Variants in TNNT3 observed in about 807,000 individuals in gnomAD.
The protein encoded by TNNT3 is troponin T3, fast skeletal type, also known as troponin T, fast skeletal muscle.
A neutral mutation model predicts 54.2 loss-of-function variants in TNNT3; 36 were observed. The observed-to-expected ratio is 0.66, with a 90% CI of 0.51 to 0.88. The LOEUF is 0.88. TNNT3 is among the 40% of genes least tolerant of loss of function. The pLI, the probability that TNNT3 is intolerant of heterozygous loss-of-function variation, is 0.00. For synonymous variants in TNNT3, 120 were observed against 109.7 expected, an observed-to-expected ratio of 1.09 and a Z score of -0.59; for missense variants, 291 against 331.6, an observed-to-expected ratio of 0.88 and a Z score of 0.95.
chr11:1,925,303 C>T (rs770359312), intron 5 of TNNT3, 187 bp downstream of exon 5: 31 of 1,583,104 alleles, frequency 2.0e-5, no homozygotes, highest in South Asian at 2.0e-4. Context: ...CTTCTTGTCC[C>T]CATGTGGGGC....
chr11:1,929,741 A>ACCCAGGCTGTCTCTCTCCCTCTC, intron 7 of TNNT3, 69 bp from the exon 8 acceptor site: 1 of 1,534,670 alleles, frequency 6.5e-7, no homozygotes, highest in Non-Finnish European at 8.8e-7. Context: ...GCCCAGTCTC[A>ACCCAGGCTGTCTCTCTCCCTCTC]CCCAGGCTGT....
intron 8 of TNNT3, among the ~76,000 whole-genome samples, chr11:1,931,952 C>T (rs558765624): frequency 1.3e-5 from 2 of 152,312 alleles, no homozygotes; most frequent in East Asian, 3.9e-4. Flanking sequence ...ACTGCACACC[C>T]AGCCGGAGAG....
In TNNT3 at chr11:1,922,639, C is replaced by T. The variant is rs113055495; in HGVS notation, c.-18-218C>T. 7.9e-3 allele frequency: 4,793 copies of T among 606,058 alleles called. 187 individuals carry two copies. Among genetic ancestry groups the T allele is most frequent in the African/African-American group, 0.078 (4,235 of 54,166 alleles). The allele number at this position is 606,058 out of a possible 1,614,324, so 37.5% of individuals were successfully genotyped here. A position where few individuals can be genotyped will look rare whatever the true frequency, so the allele number is the denominator to read the frequency against. ...CTGGAGCCAGGGCAGGAAGAGGGGA[C>T]AGAGTCTGGGGCGCCAAGAGCTGGG... is the stretch of plus-strand genomic sequence containing the variant. On this transcript the variant is annotated intron_variant, in intron 1 of 15. Coordinates refer to ENST00000278317, the MANE Select transcript of TNNT3 (RefSeq NM_006757.4).
rs1854177202 is a variant in TNNT3 at position 1,933,913 on chromosome 11, C to T, written c.289-18C>T. The T allele has an allele frequency of 1.2e-6, 2 of 1,612,756 alleles. No homozygotes were observed. Among genetic ancestry groups the T allele is most frequent in the African/African-American group, 1.3e-5 (1 of 75,052 alleles). On this transcript the variant is annotated intron_variant, in intron 10 of 15. Coordinates refer to ENST00000278317, the MANE Select transcript of TNNT3 (RefSeq NM_006757.4). ...GAGCCGGGGACAGGGCTGAGCAGAC[C>T]CCCTTCTCTGGCTGCAGGAGAAGCG...
chr11:1,934,901 G>A lies in TNNT3; in HGVS notation c.663G>A (p.Leu221=), dbSNP rs1327425592. The change falls in exon 14 of 16, where the codon CTG becomes CTA. Residue 221 remains leucine (L), a synonymous_variant. Coordinates refer to ENST00000278317, the MANE Select transcript of TNNT3 (RefSeq NM_006757.4). ...ACAAGTTCGAGTTTGGGGAGAAGCT[G>A]AAACGCCAGAAATATGACGTGAGTC... ...EIDKFEFGEK[L]KRQKYDITTL... is the part of the protein sequence containing the mutation. 6.2e-7 allele frequency: 1 copy of A among 1,613,580 alleles called. No individual in the cohort carries two copies. Among genetic ancestry groups the A allele is most frequent in the Non-Finnish European group, 8.5e-7 (1 of 1,180,024 alleles).
At chr11:1,926,831 C>A in intron 6 of TNNT3, 122 bp downstream of exon 6, 1 of 1,350,614 alleles carries the variant, frequency 7.4e-7, no homozygotes, top group Non-Finnish European at 1.0e-6. Flanking sequence ...CCGTTCTGGC[C>A]TCTGGGCTGG....
At chr11:1,920,903 C>T (rs984083829) in intron 1 of TNNT3, among the ~76,000 whole-genome samples, 2 of 152,152 alleles carry the variant, frequency 1.3e-5, no homozygotes, top group South Asian at 4.1e-4. Context: ...AACAGAACAG[C>T]CTTGTGTTGC....
chr11:1,923,855 C>G (rs975510300), intron 4 of TNNT3, among the ~76,000 whole-genome samples: 1 of 152,102 alleles, frequency 6.6e-6, no homozygotes, highest in African/African-American at 2.4e-5. Flanking sequence ...CTTCATTAAT[C>G]CTTCATCCTC....
At position 1,938,253 on chromosome 11, in the gene TNNT3, G is replaced by C. The variant is rs575095180; in HGVS notation, c.723-185G>C. The stretch of plus-strand genomic sequence containing the variant: ...GCCCCCTAACCACACTAACGACCTA[G>C]GCCCGCCAGGCACAGGTGAGTGGGC... On this transcript the variant is annotated intron_variant, in intron 15 of 15. Coordinates refer to ENST00000278317, the MANE Select transcript of TNNT3 (RefSeq NM_006757.4). 17 of 686,338 alleles carry C rather than the reference G, an allele frequency of 2.5e-5. No individual in the cohort carries two copies. In the East Asian group the frequency reaches 4.7e-4, roughly 19 times the overall value. 42.5% of individuals were successfully genotyped at this position (686,338 alleles called of 1,614,324 possible).
At chr11:1,932,843 CCCATCCATCCAT>C (rs71025793) in intron 9 of TNNT3, among the ~76,000 whole-genome samples, 2 of 142,388 alleles carry the variant, frequency 1.4e-5, no homozygotes, top group Non-Finnish European at 1.5e-5. Flanking sequence ...CACCCACCTA[CCCATCCATCCAT>C]CCATCCATCC....
At position 1,938,662 on chromosome 11, in the gene TNNT3, C is replaced by T. The variant is rs1855846785; in HGVS notation, c.*170C>T. ...TCCCCCGCGTCTGTGTCCTTGCTGC[C>T]TTCATCCCCTGGGGCCTGTGAATAA... On this transcript the variant is annotated 3_prime_UTR_variant, in exon 16 of 16. Transcript: ENST00000278317. The T allele has an allele frequency of 1.4e-6, 1 of 726,088 alleles. No homozygotes were observed. Among genetic ancestry groups the T allele is most frequent in the Admixed American group, 2.0e-5 (1 of 49,536 alleles). The allele number at this position is 726,088 out of a possible 1,614,324, so 45.0% of individuals were successfully genotyped here. A position where few individuals can be genotyped will look rare whatever the true frequency, so the allele number is the denominator to read the frequency against.
chr11:1,936,829 G>T (rs1186784441), intron 14 of TNNT3, 134 bp from the exon 15 acceptor site: 2 of 872,596 alleles, frequency 2.3e-6, no homozygotes, highest in Admixed American at 2.0e-5. Flanking sequence ...TAAGGGAGCC[G>T]AGGAGCCCTC....
intron 14 of TNNT3, 47 bp downstream of exon 14, chr11:1,934,966 A>G: frequency 6.4e-7 from 1 of 1,574,442 alleles, no homozygotes; most frequent in Non-Finnish European, 8.7e-7. Flanking sequence ...GCTTTCACCC[A>G]CCAGCAGAGC....
chr11:1,926,725 C>T lies in TNNT3; in HGVS notation c.82+16C>T, dbSNP rs375472184. 51 of 1,613,120 alleles carry T rather than the reference C, an allele frequency of 3.2e-5. No homozygotes were observed. In the African/African-American group the frequency reaches 5.7e-4, roughly 18 times the overall value. On this transcript the variant is annotated intron_variant, in intron 6 of 15. Transcript: ENST00000278317. ...GTTCAAGAAGGTACGCCGGCGCTCC[C>T]CCGCCTCCAGGCCAGAGTCTCCGTC...
rs1219579090 is a variant in TNNT3 at position 1,933,937 on chromosome 11, C to G, written c.295C>G (p.Arg99Gly). Residue 99 changes from arginine (R) to glycine (G), a missense_variant, in exon 11 of 16, where the codon CGC (arginine) becomes GGC (glycine). Coordinates refer to ENST00000278317, the MANE Select transcript of TNNT3 (RefSeq NM_006757.4). The part of the protein sequence containing the change: ...LVALKERIEK[R>G]RAERAEQQRI... Reference sequence around the variant, plus strand: ...CCCCCTTCTCTGGCTGCAGGAGAAGCGCCGTGCAGAGAGAGCGGAGCAGCA... The same window carrying G: ...CCCCCTTCTCTGGCTGCAGGAGAAGGGCCGTGCAGAGAGAGCGGAGCAGCA... 1.2e-6 allele frequency: 2 copies of G among 1,612,754 alleles called. No homozygotes were observed. The highest frequency in any genetic ancestry group is 4.5e-5 in the East Asian group (2 of 44,878).
In TNNT3 at chr11:1,938,423, G is replaced by A. The variant is rs143255528; in HGVS notation, c.723-15G>A. On this transcript the variant is annotated splice_polypyrimidine_tract_variant and intron_variant, in intron 15 of 15. Transcript: ENST00000278317. ...AGGCCCTGACCCTGAAGGATCACTTGCTTCCCATTTGCAGCAGCAAGAAGG... is the reference window on the plus strand; with the variant it reads ...AGGCCCTGACCCTGAAGGATCACTTACTTCCCATTTGCAGCAGCAAGAAGG... The A allele has an allele frequency of 2.5e-6, 4 of 1,612,996 alleles. No individual in the cohort carries two copies. In the African/African-American group the frequency reaches 4.0e-5, roughly 16 times the overall value.
At chr11:1,925,475 GC>G (rs1851323261) in intron 5 of TNNT3, 1 of 650,680 alleles carries the variant, frequency 1.5e-6, no homozygotes, top group Non-Finnish European at 2.7e-6. Flanking sequence ...TCGAGGGTGG[GC>G]CCCCTTCCCC....
chr11:1,934,647 CA>C lies in TNNT3; in HGVS notation c.585del (p.Lys195AsnfsTer2). On this transcript the variant is annotated frameshift_variant, in exon 13 of 16. Coordinates refer to ENST00000278317, the MANE Select transcript of TNNT3 (RefSeq NM_006757.4). LOFTEE classifies it high-confidence loss of function. ...PLNIDHLGED[K>X]LRDKAKELWE... ...TCAACATCGATCACCTTGGTGAAGA[CA>C]AACTGAGGTGAGGGGTGGGTGTTGT... 1 of 1,608,910 alleles carries C rather than the reference CA, an allele frequency of 6.2e-7. No individual in the cohort carries two copies. Among genetic ancestry groups the C allele is most frequent in the Non-Finnish European group, 8.5e-7 (1 of 1,178,078 alleles).
At chr11:1,932,384 AG>A in intron 8 of TNNT3, 84 bp from the exon 9 acceptor site, 1 of 1,355,752 alleles carries the variant, frequency 7.4e-7, no homozygotes, top group Non-Finnish European at 1.1e-6. Flanking sequence ...CAGGGTTGGC[AG>A]GGGCCAGCGG....
Sources: gnomAD v4.1 joint callset for allele counts (sites outside exome capture counted in the v4.1 genomes callset) on GRCh38, gnomAD v4.1.1 for gene constraint, MANE v1.5 for transcripts, NCBI Gene and HGNC (gene_info 2026-07-23, HGNC 2026-07-21) for gene names.